Variants in XKR6 observed in about 807,000 individuals in gnomAD.
The protein encoded by XKR6 is XK-related protein 6.
XKR6 carries 22 observed loss-of-function variants against 56.7 expected under a neutral mutation model. That is an observed-to-expected ratio of 0.39 (90% CI 0.28 to 0.55). The LOEUF is 0.55. XKR6 is among the 20% of genes least tolerant of loss of function. XKR6 has a pLI of 0.66. For missense variants in XKR6, 852 were observed against 889.0 expected (o/e 0.96, Z 0.53); for synonymous variants, 524 against 387.8 (o/e 1.35, Z -4.13).
intron 1 of XKR6, among the ~76,000 whole-genome samples, chr8:11,025,810 C>T (rs895712895): frequency 4.6e-5 from 7 of 152,060 alleles, no homozygotes; most frequent in African/African-American, 1.2e-4. Context: ...TGGAGGGAGG[C>T]GTAGCACTGC....
At chr8:11,054,605 T>C (rs983277572) in intron 1 of XKR6, among the ~76,000 whole-genome samples, 1 of 152,200 alleles carries the variant, frequency 6.6e-6, no homozygotes, top group Admixed American at 6.5e-5. Flanking sequence ...CCAGCCATGC[T>C]CCGGGAGGGA....
At chr8:10,908,060 G>A (rs757864303) in intron 2 of XKR6, among the ~76,000 whole-genome samples, 3 of 152,204 alleles carry the variant, frequency 2.0e-5, no homozygotes, top group Non-Finnish European at 4.4e-5. Context: ...CGCCTTTTGC[G>A]TGGGAGGATG....
intron 1 of XKR6, chr8:11,107,745 G>T (rs553996950): frequency 2.6e-5 from 4 of 154,032 alleles, no homozygotes; most frequent in East Asian, 3.8e-4. Context: ...ACTGACCCTG[G>T]CTCCTCTCCT....
intron 1 of XKR6, among the ~76,000 whole-genome samples, chr8:11,076,747 A>T (rs1800284231): frequency 6.6e-6 from 1 of 152,222 alleles, no homozygotes; most frequent in African/African-American, 2.4e-5. Flanking sequence ...CAGCGATGGC[A>T]GCCTCCTTGG....
chr8:11,178,245 T>C (rs1337662606), intron 1 of XKR6, among the ~76,000 whole-genome samples: 1 of 152,148 alleles, frequency 6.6e-6, no homozygotes, highest in African/African-American at 2.4e-5. Flanking sequence ...CAAATCTGTC[T>C]ACTCTAGACA....
chr8:11,003,673 G>T (rs1423264668), intron 1 of XKR6, among the ~76,000 whole-genome samples: 2 of 152,202 alleles, frequency 1.3e-5, no homozygotes, highest in Non-Finnish European at 2.9e-5. Context: ...CCTGCTCAAA[G>T]TCAAACTGTA....
chr8:10,925,336 G>A (rs767645175), intron 1 of XKR6, among the ~76,000 whole-genome samples: 20 of 152,170 alleles, frequency 1.3e-4, no homozygotes, highest in Non-Finnish European at 2.2e-4. Flanking sequence ...TAAGTAGGAG[G>A]GTATGGTTCT....
chr8:11,038,603 C>T (rs1353753328), intron 1 of XKR6, among the ~76,000 whole-genome samples: 3 of 151,584 alleles, frequency 2.0e-5, no homozygotes, highest in East Asian at 3.9e-4. Flanking sequence ...TGTATGATCA[C>T]AGCTCACTGC....
At chr8:11,182,362 C>T (rs1217578487) in intron 1 of XKR6, among the ~76,000 whole-genome samples, 3 of 152,192 alleles carry the variant, frequency 2.0e-5, no homozygotes, top group Non-Finnish European at 4.4e-5. Flanking sequence ...TTTTTAAACC[C>T]TGTCATTACA....
intron 2 of XKR6, among the ~76,000 whole-genome samples, chr8:10,921,795 G>A (rs1004986329): frequency 6.6e-6 from 1 of 152,200 alleles, no homozygotes; most frequent in African/African-American, 2.4e-5. Flanking sequence ...AGCCCTGGTG[G>A]TACAGAGTGG....
intron 1 of XKR6, among the ~76,000 whole-genome samples, chr8:11,003,394 A>T (rs1798290739): frequency 6.6e-6 from 1 of 152,126 alleles, no homozygotes; most frequent in South Asian, 2.1e-4. Context: ...TAACAATGTC[A>T]TCATTATCAC....
intron 2 of XKR6, among the ~76,000 whole-genome samples, chr8:10,919,736 G>C (rs755898764): frequency 6.6e-6 from 1 of 152,192 alleles, no homozygotes; most frequent in Non-Finnish European, 1.5e-5. Flanking sequence ...GCACTGGACT[G>C]CTTTTCCAAC....
At chr8:11,141,045 TAA>T (rs1800670370) in intron 1 of XKR6, among the ~76,000 whole-genome samples, 1 of 152,090 alleles carries the variant, frequency 6.6e-6, no homozygotes. Context: ...AAATGAGAGT[TAA>T]GAGGCAGAGA....
At chr8:10,923,971 C>A (rs1221079488) in intron 2 of XKR6, among the ~76,000 whole-genome samples, 1 of 152,222 alleles carries the variant, frequency 6.6e-6, no homozygotes, top group Non-Finnish European at 1.5e-5. Context: ...TCATGCATGG[C>A]TCCATGGACT....
At position 11,201,213 on chromosome 8, in the gene XKR6, CGCCGCCGCCGCA is replaced by C. The variant is rs1317837366; in HGVS notation, c.115_126del (p.Cys39_Gly42del). ...CTCTCGCCGGGCTCGCTGCCGTCGCCGCCGCCGCCGCAGCCGCCTCCCCCGGGCTCCCCGTCC... is the reference window on the plus strand; with the variant it reads ...CTCTCGCCGGGCTCGCTGCCGTCGCCGCCGCCTCCCCCGGGCTCCCCGTCC... On this transcript the variant is annotated inframe_deletion, in exon 1 of 3. Coordinates refer to ENST00000416569, the MANE Select transcript of XKR6 (RefSeq NM_173683.4). 8.5e-6 allele frequency: 13 copies of C among 1,533,628 alleles called. No homozygotes were observed. Among genetic ancestry groups the C allele is most frequent in the Middle Eastern group, 2.0e-4 (1 of 5,070 alleles).
chr8:11,118,895 G>A (rs1333297023), intron 1 of XKR6, among the ~76,000 whole-genome samples: 1 of 152,126 alleles, frequency 6.6e-6, no homozygotes, highest in African/African-American at 2.4e-5. Context: ...TTTTAATTGT[G>A]ATGTTAGGGT....
chr8:11,036,938 G>A (rs1586460936), intron 1 of XKR6, among the ~76,000 whole-genome samples: 2 of 152,194 alleles, frequency 1.3e-5, no homozygotes, highest in South Asian at 4.1e-4. Context: ...CCGCTCTGGC[G>A]AGCTCTCTCA....
At chr8:10,930,673 C>T (rs1294651122) in intron 1 of XKR6, among the ~76,000 whole-genome samples, 1 of 152,226 alleles carries the variant, frequency 6.6e-6, no homozygotes, top group Admixed American at 6.5e-5. Context: ...TAATCTATGA[C>T]ATTAATAACC....
At chr8:10,923,340 C>T (rs1320786314) in intron 2 of XKR6, among the ~76,000 whole-genome samples, 1 of 152,122 alleles carries the variant, frequency 6.6e-6, no homozygotes, top group Non-Finnish European at 1.5e-5. Context: ...TACCCTGGGG[C>T]CCCTTTTTCT....
Sources: gnomAD v4.1 joint callset for allele counts (sites outside exome capture counted in the v4.1 genomes callset) on GRCh38, gnomAD v4.1.1 for gene constraint, MANE v1.5 for transcripts, NCBI Gene and HGNC (gene_info 2026-07-23, HGNC 2026-07-21) for gene names.